Variants in KRABD3 observed in about 807,000 individuals in gnomAD.
KRABD3 encodes KRAB domain containing 3, also known as KRAB domain-containing protein 3.
At chr7:149,734,058 CTT>C in the KRABD3 span, 1 of 1,591,934 alleles carries the variant, frequency 6.3e-7, no homozygotes, top group Non-Finnish European at 8.6e-7. Context: ...TGGCATTCCT[CTT>C]CTCCACATCT....
chr7:149,720,127 G>A, the KRABD3 span: 3 of 1,551,374 alleles, frequency 1.9e-6, no homozygotes, highest in African/African-American at 2.7e-5. Context: ...AGATCCCCAG[G>A]GTAAGTTATC....
chr7:149,718,781 C>T, the KRABD3 span, among the ~76,000 whole-genome samples: 12 of 152,298 alleles, frequency 7.9e-5, no homozygotes, highest in East Asian at 2.3e-3. Context: ...CCCCGAAGTG[C>T]TGGGATTACA....
the KRABD3 span, chr7:149,719,886 T>A: frequency 1.1e-5 from 14 of 1,295,314 alleles, no homozygotes; most frequent in African/African-American, 1.5e-5. This position sits in a 1 kb window ranked among gnomAD's most constrained non-coding sequence, Gnocchi z 5.6. Context: ...ACTCTGCGGT[T>A]CTTTGAGTTT....
the KRABD3 span, chr7:149,731,606 T>A: frequency 9.1e-7 from 1 of 1,096,186 alleles, no homozygotes; most frequent in Non-Finnish European, 1.4e-6. Flanking sequence ...TGTTTTAGGG[T>A]ATGTCAGAAT....
chr7:149,725,898 G>A, the KRABD3 span: 1 of 1,588,098 alleles, frequency 6.3e-7, no homozygotes, highest in Non-Finnish European at 8.6e-7. Context: ...AGCGACCAGA[G>A]AGCCTGTTCT....
the KRABD3 span, among the ~76,000 whole-genome samples, chr7:149,727,771 T>C: frequency 6.6e-6 from 1 of 152,218 alleles, no homozygotes. Flanking sequence ...CGGCTCCCTC[T>C]GTTGCCCCAG....
chr7:149,731,025 A>G, the KRABD3 span, among the ~76,000 whole-genome samples: 1 of 152,164 alleles, frequency 6.6e-6, no homozygotes, highest in Non-Finnish European at 1.5e-5. Flanking sequence ...ACTGTGACCC[A>G]CTGTTTGCTC....
the KRABD3 span, chr7:149,733,276 G>A: frequency 3.8e-5 from 61 of 1,612,400 alleles, 1 homozygote; most frequent in South Asian, 6.4e-4. Flanking sequence ...CTCCGGAGCT[G>A]CCCCCTCCGG....
chr7:149,726,165 G>A, the KRABD3 span: 1 of 1,027,454 alleles, frequency 9.7e-7, no homozygotes, highest in Non-Finnish European at 1.4e-6. Flanking sequence ...GCCCGTGCTG[G>A]GAGCAGAGCC....
chr7:149,734,058 CT>C, the KRABD3 span: 1 of 1,592,052 alleles, frequency 6.3e-7, no homozygotes, highest in East Asian at 2.2e-5. Flanking sequence ...TGGCATTCCT[CT>C]TCTCCACATC....
the KRABD3 span, chr7:149,733,273 G>A: frequency 2.5e-6 from 4 of 1,612,318 alleles, no homozygotes; most frequent in East Asian, 6.7e-5. Flanking sequence ...CCCCTCCGGA[G>A]CTGCCCCCTC....
At chr7:149,725,064 C>T in the KRABD3 span, among the ~76,000 whole-genome samples, 1 of 152,218 alleles carries the variant, frequency 6.6e-6, no homozygotes, top group African/African-American at 2.4e-5. Flanking sequence ...TGATTCCTGG[C>T]CCTGAAAGCT....
chr7:149,720,978 G>C, the KRABD3 span: 1 of 1,613,614 alleles, frequency 6.2e-7, no homozygotes, highest in Non-Finnish European at 8.5e-7. Flanking sequence ...TGGAGAGAGA[G>C]CGAGCCCCGA....
the KRABD3 span, among the ~76,000 whole-genome samples, chr7:149,721,178 T>G: frequency 6.6e-6 from 1 of 152,210 alleles, no homozygotes; most frequent in Non-Finnish European, 1.5e-5. Flanking sequence ...AGAGGGCAGC[T>G]CTGACTTTCG....
chr7:149,728,374 C>T, the KRABD3 span: 987 of 935,926 alleles, frequency 1.1e-3, 11 homozygotes, highest in East Asian at 0.021. Context: ...AGCAGGGCCG[C>T]GCCAGAGCCA....
the KRABD3 span, chr7:149,723,636 GT>G: frequency 1.6e-5 from 19 of 1,207,026 alleles, no homozygotes; most frequent in Middle Eastern, 5.9e-4. Context: ...CATCTTCAGA[GT>G]TGGCCCCACG....
chr7:149,721,799 T>C, the KRABD3 span: 2 of 638,052 alleles, frequency 3.1e-6, no homozygotes, highest in Non-Finnish European at 5.8e-6. Context: ...ACACAGAAAG[T>C]CTCCGGCAGT....
At chr7:149,723,577 TG>T in the KRABD3 span, 1 of 673,410 alleles carries the variant, frequency 1.5e-6, no homozygotes, top group Admixed American at 3.0e-5. Context: ...TTCTGGCAGG[TG>T]TGTGGACCCA....
chr7:149,718,017 T>C, the KRABD3 span, among the ~76,000 whole-genome samples: 2 of 152,054 alleles, frequency 1.3e-5, no homozygotes, highest in Admixed American at 6.5e-5. Flanking sequence ...AGGCTGGTCT[T>C]GAACTCCTGA....
Sources: gnomAD v4.1 joint callset for allele counts (sites outside exome capture counted in the v4.1 genomes callset) on GRCh38, gnomAD v4.1.1 for gene constraint, Gnocchi (gnomAD v3.1) non-coding constraint, MANE v1.5 for transcripts, NCBI Gene and HGNC (gene_info 2026-07-23, HGNC 2026-07-21) for gene names.